Variants in TWSG1 observed in about 807,000 individuals in gnomAD.
The protein encoded by TWSG1 is twisted gastrulation protein homolog 1.
In TWSG1, 15 loss-of-function variants were observed where a neutral mutation model predicts 23.0. The ratio of observed to expected loss-of-function variants is 0.65; its 90% CI spans 0.44 to 1.00. The LOEUF (loss-of-function observed/expected upper bound fraction) is 1.00. TWSG1 is among the 50% of genes least tolerant of loss of function. TWSG1 has a pLI of 0.00. For missense variants in TWSG1, 242 were observed against 278.7 expected (o/e 0.87, Z 0.94); for synonymous variants, 86 against 92.8 (o/e 0.93, Z 0.42).
intron 3 of TWSG1, among the ~76,000 whole-genome samples, chr18:9,376,291 A>G (rs2040630163): frequency 6.6e-6 from 1 of 152,184 alleles, no homozygotes; most frequent in South Asian, 2.1e-4. Flanking sequence ...AACTGATTCT[A>G]AAGTTTATAT....
chr18:9,374,492 C>T lies in TWSG1; in HGVS notation c.223+14421C>T, dbSNP rs75629951. 6.6e-3 allele frequency among the ~76,000 whole-genome samples: 1,006 copies of T among 152,222 alleles called. 10 individuals carry two copies. The highest frequency in any genetic ancestry group is 0.021 in the African/African-American group (856 of 41,540). On this transcript the variant is annotated intron_variant, in intron 3 of 4. Coordinates refer to ENST00000262120, the MANE Select transcript of TWSG1 (RefSeq NM_020648.6). ...AAACTCACACAAGAAGAAATTCACA[C>T]GAGACTTCAAACCTATATTTTTTAA...
rs116838940 is a variant in TWSG1 at position 9,361,232 on chromosome 18, A to G, written c.223+1161A>G. ...TTTACTTCCTTTTTTAATTTCCAAG[A>G]GCCCTTCTCTGATTGTCCTTTTTTA... On this transcript the variant is annotated intron_variant, in intron 3 of 4. Coordinates refer to ENST00000262120, the MANE Select transcript of TWSG1 (RefSeq NM_020648.6). 4.7e-3 allele frequency among the ~76,000 whole-genome samples: 717 copies of G among 152,122 alleles called. 4 individuals are homozygous for G. The highest frequency in any genetic ancestry group is 0.017 in the African/African-American group (695 of 41,492).
At chr18:9,360,239 A>G (rs750797064) in intron 3 of TWSG1, among the ~76,000 whole-genome samples, 168 bp downstream of exon 3, 2 of 152,198 alleles carry the variant, frequency 1.3e-5, no homozygotes, top group African/African-American at 2.4e-5. Context: ...ATTCAGTAGT[A>G]TTTACCTATA....
At chr18:9,349,431 CATTT>C (rs1299478217) in intron 2 of TWSG1, among the ~76,000 whole-genome samples, 3 of 152,092 alleles carry the variant, frequency 2.0e-5, no homozygotes. Flanking sequence ...GTTGTCTGAA[CATTT>C]ATTTAGCTCT....
chr18:9,387,724 C>T (rs979447338), intron 3 of TWSG1, among the ~76,000 whole-genome samples: 21 of 147,840 alleles, frequency 1.4e-4, no homozygotes, highest in African/African-American at 4.3e-4. Flanking sequence ...GAGCCGAGAT[C>T]GTGCCATTGT....
At chr18:9,348,812 G>T (rs1216120755) in intron 2 of TWSG1, among the ~76,000 whole-genome samples, 2 of 152,118 alleles carry the variant, frequency 1.3e-5, no homozygotes, top group African/African-American at 4.8e-5. Flanking sequence ...TTGTTAAATT[G>T]GTTTAGTTTG....
intron 2 of TWSG1, among the ~76,000 whole-genome samples, chr18:9,341,106 C>T (rs1439575662): frequency 6.6e-6 from 1 of 152,186 alleles, no homozygotes; most frequent in Non-Finnish European, 1.5e-5. Context: ...TATATGATCT[C>T]TCCTGCAGGT....
chr18:9,364,275 G>A (rs753089550), intron 3 of TWSG1, among the ~76,000 whole-genome samples: 3 of 152,154 alleles, frequency 2.0e-5, no homozygotes, highest in Non-Finnish European at 4.4e-5. Flanking sequence ...AGATATGAAG[G>A]CTTGATTAGA....
At chr18:9,340,811 T>C (rs2040443638) in intron 2 of TWSG1, among the ~76,000 whole-genome samples, 1 of 152,256 alleles carries the variant, frequency 6.6e-6, no homozygotes, top group Non-Finnish European at 1.5e-5. Context: ...CATACGTGGC[T>C]ACCAAGTACT....
Position 9,396,561 on chromosome 18 carries a change from T to C in TWSG1, c.490+15T>C. On this transcript the variant is annotated intron_variant, in intron 4 of 4. Coordinates refer to ENST00000262120, the MANE Select transcript of TWSG1 (RefSeq NM_020648.6). ...CAGTGACAAAGGTAACTGCCAACAG[T>C]TGACTTTTTCCATTCCGCCCCCTCA... 1 of 1,605,606 alleles carries C rather than the reference T, an allele frequency of 6.2e-7. No individual in the cohort carries two copies. Among genetic ancestry groups the C allele is most frequent in the Admixed American group, 1.7e-5 (1 of 59,904 alleles).
intron 3 of TWSG1, among the ~76,000 whole-genome samples, chr18:9,374,893 T>C (rs1346953656): frequency 6.6e-6 from 1 of 152,030 alleles, no homozygotes; most frequent in African/African-American, 2.4e-5. Flanking sequence ...CTGGGTGTGG[T>C]GCGGTGGCTC....
chr18:9,380,803 G>A (rs932010281), intron 3 of TWSG1, among the ~76,000 whole-genome samples: 1 of 152,194 alleles, frequency 6.6e-6, no homozygotes, highest in African/African-American at 2.4e-5. Context: ...GAGGACAGAT[G>A]GTAGTGAGAT....
At chr18:9,385,043 T>C (rs2040675857) in intron 3 of TWSG1, among the ~76,000 whole-genome samples, 1 of 152,210 alleles carries the variant, frequency 6.6e-6, no homozygotes, top group African/African-American at 2.4e-5. Context: ...CCTTTCCGGC[T>C]AAACCCCAAA....
chr18:9,396,698 C>T, intron 4 of TWSG1, 152 bp downstream of exon 4: 7 of 932,662 alleles, frequency 7.5e-6, no homozygotes, highest in Non-Finnish European at 1.1e-5. Context: ...TAACCCTGAT[C>T]CCATCATATC....
intron 3 of TWSG1, among the ~76,000 whole-genome samples, chr18:9,376,353 A>G (rs2040630438): frequency 6.6e-6 from 1 of 152,240 alleles, no homozygotes; most frequent in Non-Finnish European, 1.5e-5. Context: ...GAGAGAAGAA[A>G]GTTGGAGGAC....
At chr18:9,337,171 A>C (rs537641998) in intron 1 of TWSG1, 22 bp from the exon 2 acceptor site, 5 of 1,592,296 alleles carry the variant, frequency 3.1e-6, no homozygotes, top group Admixed American at 3.4e-5. Context: ...CCTTTGAATT[A>C]AAGTTGTGTT....
In TWSG1 at chr18:9,396,263, T is replaced by C; in HGVS notation, c.224-17T>C. 6.2e-7 allele frequency: 1 copy of C among 1,611,758 alleles called. No individual in the cohort carries two copies. The highest frequency in any genetic ancestry group is 8.5e-7 in the Non-Finnish European group (1 of 1,178,380). On this transcript the variant is annotated splice_polypyrimidine_tract_variant and intron_variant, in intron 3 of 4. Transcript: ENST00000262120. ...GGCAGTAACTAACAAAATCTTATGA[T>C]ATTACCCCCAACCCAGGTATGTGTA...
At chr18:9,372,267 AC>A (rs2145618037) in intron 3 of TWSG1, among the ~76,000 whole-genome samples, 1 of 151,666 alleles carries the variant, frequency 6.6e-6, no homozygotes. Context: ...TAAATACTAT[AC>A]TTTTTCCTAT....
intron 2 of TWSG1, among the ~76,000 whole-genome samples, chr18:9,348,799 T>C (rs972802432): frequency 1.3e-5 from 2 of 152,262 alleles, no homozygotes; most frequent in African/African-American, 4.8e-5. Flanking sequence ...TTTAGGTTTC[T>C]TTTTGTTAAA....
Sources: gnomAD v4.1 joint callset for allele counts (sites outside exome capture counted in the v4.1 genomes callset) on GRCh38, gnomAD v4.1.1 for gene constraint, MANE v1.5 for transcripts, NCBI Gene and HGNC (gene_info 2026-07-23, HGNC 2026-07-21) for gene names.